Variants in CD226 observed in about 807,000 individuals in gnomAD.
The protein encoded by CD226 is CD226 molecule, also known as CD226 antigen.
Under a neutral mutation model 34.9 loss-of-function variants are expected in CD226, and 24 were observed. The observed-to-expected ratio is 0.69, with a 90% CI of 0.50 to 0.97. CD226 has a LOEUF of 0.97. CD226 is among the 50% of genes least tolerant of loss of function. The pLI, the probability that CD226 is intolerant of heterozygous loss-of-function variation, is 0.00. For missense variants in CD226, 397 were observed against 412.7 expected, an observed-to-expected ratio of 0.96 and a Z score of 0.33; for synonymous variants, 148 against 147.4, an observed-to-expected ratio of 1.00 and a Z score of -0.03.
intron 2 of CD226, among the ~76,000 whole-genome samples, chr18:69,945,690 C>G (rs1841185797): frequency 2.6e-5 from 4 of 152,174 alleles, no homozygotes; most frequent in South Asian, 4.2e-4. Flanking sequence ...CTCATCTCTA[C>G]AAAAAATACA....
intron 2 of CD226, among the ~76,000 whole-genome samples, chr18:69,920,726 C>A (rs1454259042): frequency 5.3e-5 from 8 of 152,198 alleles, no homozygotes; most frequent in Admixed American, 6.5e-5. Context: ...TCATTTGAGG[C>A]ACTGTTATTA....
chr18:69,876,460 G>C (rs1337264661), intron 3 of CD226, among the ~76,000 whole-genome samples: 1 of 152,138 alleles, frequency 6.6e-6, no homozygotes, highest in African/African-American at 2.4e-5. Context: ...CCCGTTTTTA[G>C]TAATGTTTGG....
At chr18:69,889,357 C>T (rs1227408183) in intron 3 of CD226, among the ~76,000 whole-genome samples, 1 of 152,116 alleles carries the variant, frequency 6.6e-6, no homozygotes, top group African/African-American at 2.4e-5. Flanking sequence ...GTTCACCACA[C>T]AATGTCATGG....
At chr18:69,928,008 G>A (rs2055544474) in intron 2 of CD226, among the ~76,000 whole-genome samples, 2 of 152,142 alleles carry the variant, frequency 1.3e-5, no homozygotes, top group African/African-American at 4.8e-5. Context: ...AAACTAGTGG[G>A]TGAAATACTG....
At chr18:69,886,972 A>G (rs1335332489) in intron 3 of CD226, among the ~76,000 whole-genome samples, 1 of 152,212 alleles carries the variant, frequency 6.6e-6, no homozygotes, top group Non-Finnish European at 1.5e-5. Context: ...AATAATAACT[A>G]GGAATAATTT....
intron 2 of CD226, among the ~76,000 whole-genome samples, chr18:69,927,203 C>T (rs1027308448): frequency 9.2e-5 from 14 of 152,104 alleles, no homozygotes; most frequent in African/African-American, 3.1e-4. Flanking sequence ...AAGAAGGCGC[C>T]GTCTTGGAAG....
intron 4 of CD226, among the ~76,000 whole-genome samples, chr18:69,868,895 T>TA (rs1425042305): frequency 6.6e-6 from 1 of 152,194 alleles, no homozygotes; most frequent in Non-Finnish European, 1.5e-5. Context: ...ACATGGAACT[T>TA]AGAGTCAAAT....
chr18:69,905,144 A>C (rs1390804849), intron 2 of CD226, among the ~76,000 whole-genome samples: 1 of 152,196 alleles, frequency 6.6e-6, no homozygotes, highest in Non-Finnish European at 1.5e-5. Flanking sequence ...CTAGGGAGCC[A>C]GTCTCAAACC....
At chr18:69,917,352 C>T (rs1871889656) in intron 2 of CD226, among the ~76,000 whole-genome samples, 1 of 152,164 alleles carries the variant, frequency 6.6e-6, no homozygotes, top group Non-Finnish European at 1.5e-5. Context: ...TACACTCCAT[C>T]TCACGTCTGA....
chr18:69,956,091 G>A (rs1165023472), intron 1 of CD226, among the ~76,000 whole-genome samples: 6 of 152,170 alleles, frequency 3.9e-5, no homozygotes, highest in Admixed American at 1.3e-4. Flanking sequence ...ACTCCAGTTG[G>A]GGTTCAGCAG....
chr18:69,929,443 T>A (rs931574161), intron 2 of CD226, among the ~76,000 whole-genome samples: 12 of 152,172 alleles, frequency 7.9e-5, no homozygotes, highest in African/African-American at 2.9e-4. Context: ...ATTTTGCTTT[T>A]TAAATTATGT....
intron 2 of CD226, among the ~76,000 whole-genome samples, chr18:69,922,779 A>T (rs544310765): frequency 1.8e-4 from 27 of 152,192 alleles, no homozygotes; most frequent in Non-Finnish European, 2.9e-4. Context: ...CCACCCTCAT[A>T]CAGCTTTCAA....
chr18:69,925,924 C>T (rs548008867), intron 2 of CD226, among the ~76,000 whole-genome samples: 1 of 152,280 alleles, frequency 6.6e-6, no homozygotes, highest in South Asian at 2.1e-4. Flanking sequence ...GGGCAGACCA[C>T]CTGAGGCCAG....
At chr18:69,884,493 A>G (rs1984446829) in intron 3 of CD226, among the ~76,000 whole-genome samples, 1 of 152,250 alleles carries the variant, frequency 6.6e-6, no homozygotes, top group Non-Finnish European at 1.5e-5. Context: ...TTTGAAAGAC[A>G]TGCACATCTT....
chr18:69,917,484 C>A (rs2055399886), intron 2 of CD226, among the ~76,000 whole-genome samples: 1 of 152,188 alleles, frequency 6.6e-6, no homozygotes, highest in Non-Finnish European at 1.5e-5. Context: ...TTACACACCC[C>A]CCCAACACAT....
rs1982574536 is a variant in CD226 at position 69,855,156 on chromosome 18, A to G, written c.*9158T>C. ...TGTCAAAGAACGTCAAAAGGCAAGA[A>G]AAGTCATGGTCTGAAGAGATAAAGC... On this transcript the variant is annotated 3_prime_UTR_variant, in exon 6 of 6. Coordinates refer to ENST00000582621, the MANE Select transcript of CD226 (RefSeq NM_001303618.2). 6.6e-6 allele frequency: 1 copy of G among 152,260 alleles called. No individual in the cohort carries two copies. Among genetic ancestry groups the G allele is most frequent in the African/African-American group, 2.4e-5 (1 of 41,470 alleles). The allele number at this position is 152,260 out of a possible 1,614,324, so 9.4% of individuals were successfully genotyped here. A position where few individuals can be genotyped will look rare whatever the true frequency, so the allele number is the denominator to read the frequency against.
At chr18:69,880,683 GTT>G (rs985936103) in intron 3 of CD226, among the ~76,000 whole-genome samples, 2 of 139,830 alleles carry the variant, frequency 1.4e-5, no homozygotes, top group African/African-American at 5.2e-5. Flanking sequence ...ACAGAGTCTC[GTT>G]TTGTCACCCA....
chr18:69,934,617 A>G (rs962490905), intron 2 of CD226, among the ~76,000 whole-genome samples: 1 of 152,216 alleles, frequency 6.6e-6, no homozygotes, highest in Non-Finnish European at 1.5e-5. Flanking sequence ...AAGTCTTCTT[A>G]TATCAGTATT....
chr18:69,870,538 G>A (rs1983458456), intron 4 of CD226, among the ~76,000 whole-genome samples: 1 of 152,026 alleles, frequency 6.6e-6, no homozygotes, highest in South Asian at 2.1e-4. Context: ...TCCTCCCAAA[G>A]TGCTGGGATT....
Sources: gnomAD v4.1 joint callset for allele counts (sites outside exome capture counted in the v4.1 genomes callset) on GRCh38, gnomAD v4.1.1 for gene constraint, MANE v1.5 for transcripts, NCBI Gene and HGNC (gene_info 2026-07-23, HGNC 2026-07-21) for gene names.